The following DMD variants were observed in gnomAD, a reference collection of about 807,000 sequenced individuals.
The protein encoded by DMD is mutant dystrophin.
In DMD, 63 loss-of-function variants were observed where a neutral mutation model predicts 330.1. The ratio of observed to expected loss-of-function variants is 0.19; its 90% confidence interval spans 0.16 to 0.24. DMD has a LOEUF of 0.24. Among genes scored for constraint, DMD ranks in the 10% least tolerant of loss-of-function variants. The pLI is 1.00. For missense variants in DMD, 3,344 were observed against 2,684.1 expected, an observed-to-expected ratio of 1.25 and a Z score of -5.43; for synonymous variants, 1,223 against 959.8, an observed-to-expected ratio of 1.27 and a Z score of -5.07.
At chrX:32,397,134 A>G (rs1273161337) in intron 30 of DMD, among the ~76,000 whole-genome samples, 1 of 111,685 alleles carries the variant, frequency 9.0e-6, no homozygotes, top group Non-Finnish European at 1.9e-5. Flanking sequence ...TAGAAGATTC[A>G]ATCTGAAGGA....
chrX:32,468,477 G>C lies in DMD; in HGVS notation c.3162+21C>G, dbSNP rs760283766. On this transcript the variant is annotated intron_variant, in intron 23 of 78. Transcript: ENST00000357033. ...AAACAAGTAAATAAAAATGAGGGTA[G>C]AAAGTAAAATCTTGAATTACCTGAA... 1.5e-5 allele frequency: 18 copies of C among 1,165,186 alleles called. No homozygotes were observed. In the South Asian group the frequency reaches 3.3e-4, roughly 21 times the overall value.
intron 47 of DMD, among the ~76,000 whole-genome samples, chrX:31,902,149 T>A (rs191355437): frequency 8.9e-6 from 1 of 112,094 alleles, no homozygotes; most frequent in Non-Finnish European, 1.9e-5. Context: ...CTAATACTTC[T>A]GTCAATCAAC....
intron 1 of DMD, among the ~76,000 whole-genome samples, chrX:33,305,343 C>T (rs1171732423): frequency 2.0e-5 from 2 of 102,034 alleles, no homozygotes; most frequent in African/African-American, 7.2e-5. Context: ...CGCATGTTCT[C>T]ACTCATAGGT....
chrX:31,415,541 T>C (rs542429105), intron 60 of DMD, among the ~76,000 whole-genome samples: 2 of 112,106 alleles, frequency 1.8e-5, no homozygotes, highest in African/African-American at 6.5e-5. Context: ...TTCCAAAATT[T>C]CATTTGCTTC....
chrX:32,779,993 G>A (rs1371124593), intron 7 of DMD, among the ~76,000 whole-genome samples: 1 of 111,390 alleles, frequency 9.0e-6, no homozygotes, highest in Non-Finnish European at 1.9e-5. Flanking sequence ...AACTTGTCAT[G>A]TATCTTCTCC....
In DMD at chrX:32,196,854, C is replaced by T. The variant is rs1440568685; in HGVS notation, c.6438+20062G>A. On this transcript the variant is annotated intron_variant, in intron 44 of 78. Coordinates refer to ENST00000357033, the MANE Select transcript of DMD (RefSeq NM_004006.3). ...CAAAAAAATTAGCGGGGCGTGGTAG[C>T]CAGCGCCTGTAGTACCAGCTACTCG... Among the ~76,000 whole-genome samples, 6 of 108,784 alleles carry T rather than the reference C, an allele frequency of 5.5e-5. No homozygotes were observed. In the East Asian group the frequency reaches 1.2e-3, roughly 21 times the overall value. 94.5% of individuals were successfully genotyped at this position (108,784 alleles called of 115,157 possible).
chrX:32,057,411 C>T (rs1452753703), intron 44 of DMD, among the ~76,000 whole-genome samples: 2 of 110,982 alleles, frequency 1.8e-5, no homozygotes, highest in East Asian at 2.8e-4. Flanking sequence ...AACCAATAAA[C>T]AAATTCAGCA....
chrX:32,635,741 G>T lies in DMD; in HGVS notation c.1331+8391C>A, dbSNP rs778032913. 2.7e-5 allele frequency among the ~76,000 whole-genome samples: 3 copies of T among 111,814 alleles called. No homozygotes were observed. The South Asian group carries it at 1.1e-3, about 42-fold the overall frequency. ...CCCAAGATTTATAACGTTTATCAAAGTTCAATAAGTGGCCTGTGAAATATA... is the reference window on the plus strand; with the variant it reads ...CCCAAGATTTATAACGTTTATCAAATTTCAATAAGTGGCCTGTGAAATATA... On this transcript the variant is annotated intron_variant, in intron 11 of 78. Coordinates refer to ENST00000357033, the MANE Select transcript of DMD (RefSeq NM_004006.3).
intron 57 of DMD, among the ~76,000 whole-genome samples, chrX:31,489,654 G>C (rs1405014218): frequency 8.9e-6 from 1 of 111,869 alleles, no homozygotes; most frequent in Non-Finnish European, 1.9e-5. Flanking sequence ...CATAGAGTAG[G>C]CTCTTCATAA....
At chrX:32,747,865 A>G (rs1233223587) in intron 7 of DMD, among the ~76,000 whole-genome samples, 8 of 111,469 alleles carry the variant, frequency 7.2e-5, no homozygotes, top group Non-Finnish European at 1.9e-5. Context: ...AAAAATTAGA[A>G]AAGTTGACTA....
At chrX:33,194,191 G>A (rs1482922081) in intron 1 of DMD, among the ~76,000 whole-genome samples, 1 of 110,180 alleles carries the variant, frequency 9.1e-6, no homozygotes, top group East Asian at 2.8e-4. Flanking sequence ...TAATTTTTCA[G>A]TGGTAGAACT....
At chrX:31,618,445 G>A (rs1441090865) in intron 55 of DMD, among the ~76,000 whole-genome samples, 1 of 111,776 alleles carries the variant, frequency 8.9e-6, no homozygotes, top group Admixed American at 9.5e-5. Flanking sequence ...ATTTCATAGA[G>A]AAGTGTTTCA....
intron 7 of DMD, among the ~76,000 whole-genome samples, chrX:32,779,086 G>T (rs1304858995): frequency 9.0e-6 from 1 of 111,306 alleles, no homozygotes; most frequent in Non-Finnish European, 1.9e-5. Flanking sequence ...TTGTAAACTG[G>T]TGCCTGTAAT....
Position 31,315,423 on chromosome X carries a change from A to AGTTGGGAT in DMD, c.9224+8167_9224+8174dup, listed in dbSNP as rs200143485. Among the ~76,000 whole-genome samples, 1,092 of 112,402 alleles carry AGTTGGGAT rather than the reference A, an allele frequency of 9.7e-3. 21 individuals are homozygous for AGTTGGGAT. Among genetic ancestry groups the AGTTGGGAT allele is most frequent in the African/African-American group, 0.034 (1,054 of 30,972 alleles). On this transcript the variant is annotated intron_variant, in intron 62 of 78. Transcript: ENST00000357033. ...TTAAGCAAATGGCTCAAACGAACAG[A>AGTTGGGAT]GTTGGGATATGATACAGTTGTTTCA...
At chrX:31,750,851 G>A (rs12858849) in intron 51 of DMD, among the ~76,000 whole-genome samples, 16,239 of 93,447 alleles carry the variant, frequency 0.17, 1,759 homozygotes, top group East Asian at 0.33. Flanking sequence ...ATACACCAAC[G>A]ACAGACAAAC....
chrX:32,547,302 A>G (rs1230548016), intron 16 of DMD, among the ~76,000 whole-genome samples: 1 of 111,290 alleles, frequency 9.0e-6, no homozygotes, highest in African/African-American at 3.3e-5. Context: ...GTATCTACTT[A>G]TAAAATTGGA....
At chrX:31,504,037 T>C (rs150928337) in intron 56 of DMD, among the ~76,000 whole-genome samples, 127 of 111,338 alleles carry the variant, frequency 1.1e-3, no homozygotes, top group African/African-American at 3.8e-3. Flanking sequence ...GAGTGCCTAG[T>C]ACATAGTAGG....
At chrX:32,539,129 T>C (rs1437924355) in intron 17 of DMD, among the ~76,000 whole-genome samples, 1 of 111,078 alleles carries the variant, frequency 9.0e-6, no homozygotes, top group Non-Finnish European at 1.9e-5. Context: ...AATAGATGGT[T>C]ATCTTTTTGA....
intron 55 of DMD, among the ~76,000 whole-genome samples, chrX:31,529,456 G>C (rs1453794343): frequency 9.0e-6 from 1 of 111,316 alleles, no homozygotes; most frequent in Non-Finnish European, 1.9e-5. Context: ...GGATAAACTG[G>C]GACAGCCGGA....
Sources: allele counts gnomAD v4.1 joint callset (sites outside exome capture counted in the v4.1 genomes callset), GRCh38; gene constraint gnomAD v4.1.1; transcripts MANE v1.5; gene names NCBI Gene and HGNC (gene_info 2026-07-23, HGNC 2026-07-21).